RPL4: variants seen among roughly 807,000 people sequenced by gnomAD.
The protein encoded by RPL4 is ribosomal protein L4.
Under a neutral mutation model 47.7 loss-of-function variants are expected in RPL4, and 3 were observed. That is an observed-to-expected ratio of 0.06 (90% confidence interval 0.03 to 0.16). RPL4 has a LOEUF of 0.16. RPL4 is among the 10% of genes least tolerant of loss of function. The pLI, the probability that RPL4 is intolerant of heterozygous loss-of-function variation, is 1.00. For missense variants in RPL4, 413 were observed against 551.3 expected (o/e 0.75, Z 2.51); for synonymous variants, 208 against 182.1 (o/e 1.14, Z -1.15).
chr15:66,501,306 CTCA>C (rs748600371), intron 6 of RPL4, 66 bp downstream of exon 6: 4 of 1,605,528 alleles, frequency 2.5e-6, no homozygotes, highest in African/African-American at 2.7e-5. Context: ...TAAGTGGAAT[CTCA>C]TCATAACAAA....
Position 66,501,423 on chromosome 15 carries a change from T to C in RPL4, c.628A>G (p.Ile210Val). The change falls in exon 6 of 10, where the codon ATC becomes GTC. Residue 210 changes from isoleucine to valine, a missense_variant. Ile to Val is a conservative substitution (Grantham distance 29). This residue lies in a region of RPL4 where 214 missense variants were observed against 304.2 expected (regional missense o/e 0.70). Coordinates refer to ENST00000307961, the MANE Select transcript of RPL4 (RefSeq NM_000968.4). Reference sequence around the variant, plus strand: ...ATGATACCATTATCCTCATTATAGATGATGCACGGGCCCCTGCGCTGGATA... The same window carrying C: ...ATGATACCATTATCCTCATTATAGACGATGCACGGGCCCCTGCGCTGGATA... ...RRIQRRGPCI[I>V]YNEDNGIIKA... 6.2e-7 allele frequency: 1 copy of C among 1,614,154 alleles called. No individual in the cohort carries two copies. Among genetic ancestry groups the C allele is most frequent in the Non-Finnish European group, 8.5e-7 (1 of 1,180,028 alleles).
At chr15:66,500,603 G>A in intron 7 of RPL4, 1 of 561,036 alleles carries the variant, frequency 1.8e-6, no homozygotes, top group Non-Finnish European at 3.1e-6. Context: ...AGACCAGCCT[G>A]GCCAACATGG....
intron 7 of RPL4, 137 bp downstream of exon 7, chr15:66,500,812 C>T (rs1298586978): frequency 1.9e-6 from 2 of 1,032,030 alleles, no homozygotes; most frequent in African/African-American, 3.3e-5. Context: ...AAAATATAGA[C>T]CAGGTGAGTC....
chr15:66,501,589 A>T (rs1474617677), intron 5 of RPL4, 85 bp from the exon 6 acceptor site: 5 of 1,572,292 alleles, frequency 3.2e-6, no homozygotes, highest in Non-Finnish European at 4.3e-6. Context: ...TTTACAGATG[A>T]TTAAACTGGG....
chr15:66,502,962 G>A, intron 3 of RPL4, 96 bp downstream of exon 3: 1 of 1,360,754 alleles, frequency 7.3e-7, no homozygotes, highest in Non-Finnish European at 1.0e-6. Context: ...ACAAAAAAAA[G>A]TAATATTTTT....
Position 66,499,227 on chromosome 15 carries a change from A to G in RPL4, c.*180T>C. 1 of 684,628 alleles carries G rather than the reference A, an allele frequency of 1.5e-6. No individual in the cohort carries two copies. Among genetic ancestry groups the G allele is most frequent in the Non-Finnish European group, 2.4e-6 (1 of 409,812 alleles). The allele number at this position is 684,628 out of a possible 1,614,324, so 42.4% of individuals were successfully genotyped here. Reference sequence around the variant, plus strand: ...ATAAATCCATGCCCCATTTTATACCACACTATATAAAATGTAACAGTCTAA... The same window carrying G: ...ATAAATCCATGCCCCATTTTATACCGCACTATATAAAATGTAACAGTCTAA... On this transcript the variant is annotated 3_prime_UTR_variant, in exon 10 of 10. Coordinates refer to ENST00000307961, the MANE Select transcript of RPL4 (RefSeq NM_000968.4).
intron 3 of RPL4, 98 bp downstream of exon 3, chr15:66,502,960 A>G (rs1395518217): frequency 1.5e-6 from 2 of 1,365,456 alleles, no homozygotes; most frequent in Non-Finnish European, 2.1e-6. Flanking sequence ...AGACAAAAAA[A>G]AGTAATATTT....
chr15:66,499,303 G>C lies in RPL4; in HGVS notation c.*104C>G, dbSNP rs1425044038. ...AAAAAAATTCTAACCAAGCTTTACA[G>C]AGCACACCAAGTCATGTTTCTCACT... On this transcript the variant is annotated 3_prime_UTR_variant, in exon 10 of 10. Transcript: ENST00000307961. 3.5e-6 allele frequency: 5 copies of C among 1,409,220 alleles called. No homozygotes were observed. In the East Asian group the frequency reaches 1.1e-4, roughly 32 times the overall value. 87.3% of individuals were successfully genotyped at this position (1,409,220 alleles called of 1,614,324 possible).
chr15:66,503,741 AT>A (rs1447761940), intron 1 of RPL4, among the ~76,000 whole-genome samples: 2 of 152,268 alleles, frequency 1.3e-5, no homozygotes, highest in Non-Finnish European at 2.9e-5. Flanking sequence ...ATTGTTTATC[AT>A]AAAACTTTCA....
intron 4 of RPL4, 154 bp from the exon 5 acceptor site, chr15:66,502,066 A>C (rs763939920): frequency 1.0e-6 from 1 of 960,820 alleles, no homozygotes; most frequent in Admixed American, 1.7e-5. Flanking sequence ...AACACGGACC[A>C]ATTAAGTGGA....
At chr15:66,504,558 G>A (rs747938099) in intron 1 of RPL4, among the ~76,000 whole-genome samples, 1 of 142,246 alleles carries the variant, frequency 7.0e-6, no homozygotes, top group Non-Finnish European at 1.6e-5. Flanking sequence ...GAACGACCCA[G>A]TGCTTTCCAC....
At chr15:66,503,634 G>T in intron 1 of RPL4, 105 bp from the exon 2 acceptor site, 1 of 1,263,192 alleles carries the variant, frequency 7.9e-7, no homozygotes, top group Non-Finnish European at 1.1e-6. Flanking sequence ...GAAGAGACTG[G>T]TATGGTGAGG....
chr15:66,500,981 C>A lies in RPL4; in HGVS notation c.801G>T (p.Trp267Cys). 1 of 1,613,978 alleles carries A rather than the reference C, an allele frequency of 6.2e-7. No individual in the cohort carries two copies. The highest frequency in any genetic ancestry group is 8.5e-7 in the Non-Finnish European group (1 of 1,179,884). Residue 267 changes from tryptophan (W) to cysteine (C), a missense_variant, in exon 7 of 10, where the codon TGG (tryptophan) becomes TGT (cysteine). By Grantham distance (215) the Trp-to-Cys change is radical (BLOSUM62 -2). Coordinates refer to ENST00000307961, the MANE Select transcript of RPL4 (RefSeq NM_000968.4). ...TACTCTTGAGGGAAGCGGCTTTACGCCAAGTGCCGTACAATTCATCTAACT... is the reference window on the plus strand; with the variant it reads ...TACTCTTGAGGGAAGCGGCTTTACGACAAGTGCCGTACAATTCATCTAACT... ...FRKLDELYGT[W>C]RKAASLKSNY...
intron 3 of RPL4, 96 bp from the exon 4 acceptor site, chr15:66,502,846 A>G: frequency 6.3e-7 from 1 of 1,576,406 alleles, no homozygotes; most frequent in Non-Finnish European, 8.7e-7. Flanking sequence ...CTTCTGTACC[A>G]GCTTACTGAC....
chr15:66,504,364 C>T, intron 1 of RPL4, among the ~76,000 whole-genome samples: 1 of 152,106 alleles, frequency 6.6e-6, no homozygotes, highest in East Asian at 1.9e-4. Context: ...AAGCAGTACA[C>T]ATATAACACT....
intron 5 of RPL4, 121 bp from the exon 6 acceptor site, chr15:66,501,625 G>C: frequency 5.3e-6 from 8 of 1,515,326 alleles, no homozygotes; most frequent in Non-Finnish European, 7.2e-6. Context: ...AGGTTACACA[G>C]AGCCATAAAC....
At chr15:66,501,532 G>C in intron 5 of RPL4, 28 bp from the exon 6 acceptor site, 2 of 1,612,638 alleles carry the variant, frequency 1.2e-6, no homozygotes, top group Non-Finnish European at 1.7e-6. Flanking sequence ...TTAGTATTCT[G>C]ATTAAGATAG....
At position 66,499,848 on chromosome 15, in the gene RPL4, C is replaced by A. The variant is rs958641931; in HGVS notation, c.1039-196G>T. Reference sequence around the variant, plus strand: ...AGACCAGCCTAACAATATAGTGACACCCCGTCTCTACTGAAAATACAAAAA... The same window carrying A: ...AGACCAGCCTAACAATATAGTGACAACCCGTCTCTACTGAAAATACAAAAA... On this transcript the variant is annotated intron_variant, in intron 9 of 9. Transcript: ENST00000307961. The A allele has an allele frequency of 1.6e-5, 14 of 899,118 alleles. No homozygotes were observed. The Admixed American group carries it at 3.2e-4, about 20-fold the overall frequency. 55.7% of individuals were successfully genotyped at this position (899,118 alleles called of 1,614,324 possible). A position where few individuals can be genotyped will look rare whatever the true frequency, so the allele number is the denominator to read the frequency against.
rs772517154 is a variant in RPL4 at position 66,503,339 on chromosome 15, A to G, written c.175+19T>C. 1 of 1,611,908 alleles carries G rather than the reference A, an allele frequency of 6.2e-7. No individual in the cohort carries two copies. The highest frequency in any genetic ancestry group is 1.1e-5 in the South Asian group (1 of 91,006). On this transcript the variant is annotated intron_variant, in intron 2 of 9. Coordinates refer to ENST00000307961, the MANE Select transcript of RPL4 (RefSeq NM_000968.4). Reference sequence around the variant, plus strand: ...GTAAAGCAGTCCCTAAAATATCTGCAGAAGATATAAATCCATACCTGCTAA... The same window carrying G: ...GTAAAGCAGTCCCTAAAATATCTGCGGAAGATATAAATCCATACCTGCTAA...
Sources: gnomAD v4.1 joint callset for allele counts (sites outside exome capture counted in the v4.1 genomes callset) on GRCh38, gnomAD v4.1.1 for gene constraint, gnomAD v4.1.1 regional missense constraint, MANE v1.5 for transcripts, NCBI Gene and HGNC (gene_info 2026-07-23, HGNC 2026-07-21) for gene names.